Variants in ELMO1 observed in about 807,000 individuals in gnomAD.
ELMO1 encodes engulfment and cell motility protein 1.
A neutral mutation model predicts 98.9 loss-of-function variants in ELMO1; 26 were observed. That is an observed-to-expected ratio of 0.26 (90% CI 0.19 to 0.36). The LOEUF is 0.36. Among genes scored for constraint, ELMO1 ranks in the 10% least tolerant of loss-of-function variants. The pLI is 1.00. For missense variants in ELMO1, 627 were observed against 935.2 expected (o/e 0.67, Z 4.30); for synonymous variants, 346 against 346.0 (o/e 1.00, Z 0.00).
chr7:37,032,078 C>T (rs114581519), intron 15 of ELMO1, among the ~76,000 whole-genome samples: 2,618 of 152,242 alleles, frequency 0.017, 23 homozygotes, highest in Middle Eastern at 0.044. Context: ...CATTCCAGGC[C>T]TGCGTGAGTC....
At chr7:37,388,800 C>G (rs1802935772) in intron 1 of ELMO1, among the ~76,000 whole-genome samples, 1 of 152,100 alleles carries the variant, frequency 6.6e-6, no homozygotes, top group African/African-American at 2.4e-5. Flanking sequence ...GAGACCCTGT[C>G]TCTAAAAAAG....
At chr7:36,925,436 A>G (rs1785491474) in intron 16 of ELMO1, among the ~76,000 whole-genome samples, 1 of 152,242 alleles carries the variant, frequency 6.6e-6, no homozygotes, top group East Asian at 1.9e-4. Context: ...TGCACAGAAG[A>G]TAAGACCTTA....
At chr7:37,252,272 T>A (rs2953535) in intron 6 of ELMO1, among the ~76,000 whole-genome samples, 48,063 of 151,976 alleles carry the variant, frequency 0.32, 7,716 homozygotes, top group Middle Eastern at 0.42. Context: ...CCATATAATC[T>A]AGACATTCCT....
chr7:37,261,799 A>C (rs1339187319), intron 5 of ELMO1, among the ~76,000 whole-genome samples: 2 of 152,254 alleles, frequency 1.3e-5, no homozygotes, highest in African/African-American at 2.4e-5. Flanking sequence ...ACAGGGTTTC[A>C]CCATGTTGGC....
At chr7:37,082,520 AT>A (rs1797921487) in intron 15 of ELMO1, among the ~76,000 whole-genome samples, 1 of 152,224 alleles carries the variant, frequency 6.6e-6, no homozygotes, top group Non-Finnish European at 1.5e-5. Context: ...CCTGGGTAAC[AT>A]GGTGAAACCC....
chr7:37,194,853 A>C (rs187447336), intron 13 of ELMO1, among the ~76,000 whole-genome samples: 15 of 152,364 alleles, frequency 9.8e-5, no homozygotes, highest in Admixed American at 5.2e-4. Flanking sequence ...TGATTCTCAT[A>C]GCATATATCA....
intron 14 of ELMO1, 120 bp from the exon 15 acceptor site, chr7:37,096,847 T>C (rs146856521): frequency 1.9e-5 from 18 of 923,782 alleles, no homozygotes; most frequent in African/African-American, 9.9e-5. Flanking sequence ...ACGAAGACTC[T>C]TGGGGCCAGG....
chr7:37,102,896 T>C (rs562157942), intron 14 of ELMO1, among the ~76,000 whole-genome samples: 11 of 152,192 alleles, frequency 7.2e-5, no homozygotes, highest in Non-Finnish European at 1.5e-4. Context: ...AGGAAAGGCC[T>C]TCACATGGTC....
intron 1 of ELMO1, among the ~76,000 whole-genome samples, chr7:37,366,115 G>C (rs1327827371): frequency 6.6e-6 from 1 of 152,120 alleles, no homozygotes; most frequent in Non-Finnish European, 1.5e-5. Context: ...GGGGCTAAAA[G>C]ATGAGAAAGA....
intron 15 of ELMO1, among the ~76,000 whole-genome samples, chr7:37,031,679 G>C (rs1794890911): frequency 6.6e-6 from 1 of 152,074 alleles, no homozygotes; most frequent in Admixed American, 6.6e-5. Flanking sequence ...TTGAGGCTTA[G>C]GACTACGCCT....
intron 1 of ELMO1, among the ~76,000 whole-genome samples, chr7:37,405,334 C>T (rs1165946861): frequency 6.6e-6 from 1 of 152,170 alleles, no homozygotes; most frequent in African/African-American, 2.4e-5. Flanking sequence ...CTCCCCACGC[C>T]CCAGACTCCA....
At chr7:37,165,179 T>A (rs926248513) in intron 13 of ELMO1, among the ~76,000 whole-genome samples, 4 of 152,240 alleles carry the variant, frequency 2.6e-5, no homozygotes, top group African/African-American at 7.2e-5. Context: ...TTTTTGCACA[T>A]TGATTTTGTA....
chr7:37,419,752 A>G (rs905310579), intron 1 of ELMO1: 1 of 152,234 alleles, frequency 6.6e-6, no homozygotes, highest in African/African-American at 2.4e-5. Context: ...TCTGTATTGT[A>G]AATGCAGGGA....
chr7:37,229,988 C>T (rs940635201), intron 8 of ELMO1, among the ~76,000 whole-genome samples: 7 of 152,188 alleles, frequency 4.6e-5, no homozygotes, highest in African/African-American at 1.7e-4. Context: ...GGCCATTGCT[C>T]ACATCATTTA....
intron 13 of ELMO1, among the ~76,000 whole-genome samples, chr7:37,207,376 C>T (rs1792693903): frequency 1.3e-5 from 2 of 150,366 alleles, no homozygotes; most frequent in Non-Finnish European, 3.0e-5. Context: ...CATGGCGAAA[C>T]CCTGTCTCTA....
intron 13 of ELMO1, among the ~76,000 whole-genome samples, chr7:37,179,728 A>G (rs1402889595): frequency 6.6e-6 from 1 of 152,204 alleles, no homozygotes; most frequent in Non-Finnish European, 1.5e-5. Flanking sequence ...ACTTCCTTGG[A>G]TCTGCTGCTA....
intron 16 of ELMO1, among the ~76,000 whole-genome samples, chr7:36,920,921 A>C (rs1785096533): frequency 6.6e-6 from 1 of 152,180 alleles, no homozygotes; most frequent in African/African-American, 2.4e-5. Flanking sequence ...TCATATGCTG[A>C]AATATAGTCC....
At chr7:37,091,598 A>G (rs764569920) in intron 15 of ELMO1, among the ~76,000 whole-genome samples, 4 of 151,712 alleles carry the variant, frequency 2.6e-5, no homozygotes, top group Non-Finnish European at 5.9e-5. Context: ...CTCCACTCTC[A>G]CTGACCCTGC....
At position 37,124,819 on chromosome 7, in the gene ELMO1, C is replaced by A. The variant is rs545766910; in HGVS notation, c.1191+8311G>T. ...TCATATGGAACCAAAAAAGAGCCCA[C>A]ATTGCCAAGTCAATCCTGAGCCAAA... On this transcript the variant is annotated intron_variant, in intron 14 of 21. Coordinates refer to ENST00000310758, the MANE Select transcript of ELMO1 (RefSeq NM_014800.11). Among the ~76,000 whole-genome samples the A allele has an allele frequency of 3.3e-5, 5 of 152,306 alleles. No homozygotes were observed. The East Asian group carries it at 7.7e-4, about 24-fold the overall frequency.
Sources: allele counts gnomAD v4.1 joint callset (sites outside exome capture counted in the v4.1 genomes callset), GRCh38; gene constraint gnomAD v4.1.1; transcripts MANE v1.5; gene names NCBI Gene and HGNC (gene_info 2026-07-23, HGNC 2026-07-21).